The following MYOCD variants were observed in gnomAD, a reference collection of about 807,000 sequenced individuals.
The protein encoded by MYOCD is myocardin.
Under a neutral mutation model 96.1 loss-of-function variants are expected in MYOCD, and 32 were observed. The ratio of observed to expected loss-of-function variants is 0.33; its 90% CI spans 0.25 to 0.45. MYOCD has a LOEUF of 0.45. Among genes scored for constraint, MYOCD ranks in the 20% least tolerant of loss-of-function variants. The probability of loss-of-function intolerance (pLI) is 1.00; values close to 1 mark genes in which losing one functional copy is unlikely to be tolerated. For synonymous variants in MYOCD, 469 were observed against 469.0 expected, an observed-to-expected ratio of 1.00 and a Z score of 0.00; for missense variants, 1,133 against 1,200.6, an observed-to-expected ratio of 0.94 and a Z score of 0.83.
chr17:12,737,567 G>A lies in MYOCD; in HGVS notation c.591+1231G>A, dbSNP rs116981501. Among the ~76,000 whole-genome samples the A allele has an allele frequency of 2.4e-4, 37 of 152,252 alleles. No individual in the cohort carries two copies. The East Asian group carries it at 5.2e-3, about 21-fold the overall frequency. ...TCCACATATGAGGGGAAGGAGATGC[G>A]TAAGTGTGAAAGCCAGATGTGAGCT... On this transcript the variant is annotated intron_variant, in intron 6 of 13. Coordinates refer to ENST00000425538, the MANE Select transcript of MYOCD (RefSeq NM_001146312.3).
chr17:12,752,385 G>A, intron 9 of MYOCD, 29 bp from the exon 10 acceptor site: 1 of 1,556,156 alleles, frequency 6.4e-7, no homozygotes, highest in Non-Finnish European at 8.7e-7. Flanking sequence ...TCGTTAAACA[G>A]CACACTAACC....
chr17:12,706,898 C>T (rs182910998), intron 2 of MYOCD, among the ~76,000 whole-genome samples: 2 of 152,142 alleles, frequency 1.3e-5, no homozygotes, highest in African/African-American at 4.8e-5. Flanking sequence ...AAAAATCCTA[C>T]AAATCATGAA....
intron 1 of MYOCD, among the ~76,000 whole-genome samples, chr17:12,691,572 T>C (rs1048249737): frequency 2.0e-5 from 3 of 152,292 alleles, no homozygotes; most frequent in African/African-American, 7.2e-5. Context: ...ATCCCTTATG[T>C]TGAGTTACTA....
chr17:12,745,132 A>G (rs998568934), intron 8 of MYOCD, among the ~76,000 whole-genome samples: 1 of 152,222 alleles, frequency 6.6e-6, no homozygotes, highest in East Asian at 1.9e-4. Flanking sequence ...GACACTCTCA[A>G]AGATTGACTC....
At chr17:12,684,628 CA>C (rs376890697) in intron 1 of MYOCD, among the ~76,000 whole-genome samples, 53 of 152,046 alleles carry the variant, frequency 3.5e-4, no homozygotes, top group African/African-American at 1.2e-3. Flanking sequence ...GGGTGGATCA[CA>C]AGGTCAGGAG....
chr17:12,737,769 T>C (rs551212913), intron 6 of MYOCD, among the ~76,000 whole-genome samples: 57 of 152,274 alleles, frequency 3.7e-4, no homozygotes, highest in Admixed American at 1.2e-3. Flanking sequence ...ATAATTATCA[T>C]TCAGTGCCTC....
At position 12,767,068 on chromosome 17, in the gene MYOCD, G is replaced by C. The variant is rs1353345249; in HGVS notation, c.*3424G>C. 6.6e-6 allele frequency: 1 copy of C among 151,646 alleles called. No individual in the cohort carries two copies. Among genetic ancestry groups the C allele is most frequent in the African/African-American group, 2.4e-5 (1 of 41,262 alleles). The allele number at this position is 151,646 out of a possible 1,614,324, so 9.4% of individuals were successfully genotyped here. ...GGAGAAGGGAAGGAAGGAAAGAAGA[G>C]AGGAAAGAAAGGAGGGAAGGAAAAA... On this transcript the variant is annotated 3_prime_UTR_variant, in exon 14 of 14. Transcript: ENST00000425538.
chr17:12,680,239 C>T (rs1435702161), intron 1 of MYOCD, among the ~76,000 whole-genome samples: 1 of 152,158 alleles, frequency 6.6e-6, no homozygotes, highest in Admixed American at 6.6e-5. Context: ...TATTCAGCTA[C>T]TTAGTGGATG....
chr17:12,675,681 A>C lies in MYOCD; in HGVS notation c.55+9438A>C, dbSNP rs186301005. Among the ~76,000 whole-genome samples, 567 of 152,238 alleles carry C rather than the reference A, an allele frequency of 3.7e-3. 4 individuals are homozygous for C. The highest frequency in any genetic ancestry group is 0.011 in the South Asian group (51 of 4,816). On this transcript the variant is annotated intron_variant, in intron 1 of 13. Coordinates refer to ENST00000425538, the MANE Select transcript of MYOCD (RefSeq NM_001146312.3). ...AGACCATCCTGGCTAACAGGGTGAA[A>C]ACCCGTCCCTACTAAAAATACAAAA... is the stretch of plus-strand genomic sequence containing the variant.
At chr17:12,687,244 C>T (rs2030171546) in intron 1 of MYOCD, among the ~76,000 whole-genome samples, 1 of 152,120 alleles carries the variant, frequency 6.6e-6, no homozygotes, top group African/African-American at 2.4e-5. Context: ...TTTGAAACCA[C>T]CTATTTCTAA....
intron 6 of MYOCD, among the ~76,000 whole-genome samples, chr17:12,738,638 A>G (rs1363455900): frequency 6.6e-6 from 1 of 152,012 alleles, no homozygotes; most frequent in Non-Finnish European, 1.5e-5. Flanking sequence ...AAACACTCAG[A>G]CACACACTTG....
In MYOCD at chr17:12,715,452, A is replaced by G. The variant is rs371630990; in HGVS notation, c.122-67A>G. On this transcript the variant is annotated intron_variant, in intron 2 of 13. Coordinates refer to ENST00000425538, the MANE Select transcript of MYOCD (RefSeq NM_001146312.3). ...TGCATAGCTCAGCAAGCACACCAGCAAACTCTGCGATACAGACCAATGCCC... is the reference window on the plus strand; with the variant it reads ...TGCATAGCTCAGCAAGCACACCAGCGAACTCTGCGATACAGACCAATGCCC... 1.4e-3 allele frequency: 2,005 copies of G among 1,408,666 alleles called. 43 individuals are homozygous for G. In the South Asian group the frequency reaches 0.023, roughly 16 times the overall value. The allele number at this position is 1,408,666 out of a possible 1,614,324, so 87.3% of individuals were successfully genotyped here. A position where few individuals can be genotyped will look rare whatever the true frequency, so the allele number is the denominator to read the frequency against.
At chr17:12,729,681 C>T (rs574445626) in intron 5 of MYOCD, among the ~76,000 whole-genome samples, 42 of 152,226 alleles carry the variant, frequency 2.8e-4, no homozygotes, top group African/African-American at 9.4e-4. Context: ...AAACAATTCT[C>T]CTGCCTCAGC....
At chr17:12,752,364 TA>T in intron 9 of MYOCD, 49 bp from the exon 10 acceptor site, 1 of 1,475,938 alleles carries the variant, frequency 6.8e-7, no homozygotes, top group Non-Finnish European at 9.2e-7. Flanking sequence ...AATACACTTT[TA>T]AAAATATTGT....
At chr17:12,750,113 A>G (rs902540236) in intron 9 of MYOCD, among the ~76,000 whole-genome samples, 9 of 152,088 alleles carry the variant, frequency 5.9e-5, no homozygotes, top group African/African-American at 2.2e-4. Context: ...CTGGGATTAC[A>G]GGAGTGAGCC....
chr17:12,678,467 G>A (rs1440195977), intron 1 of MYOCD, among the ~76,000 whole-genome samples: 3 of 152,082 alleles, frequency 2.0e-5, no homozygotes, highest in Non-Finnish European at 4.4e-5. Flanking sequence ...GACCAGCAAA[G>A]GCTCATGGCT....
At chr17:12,731,387 A>G (rs1464884896) in intron 5 of MYOCD, among the ~76,000 whole-genome samples, 1 of 152,174 alleles carries the variant, frequency 6.6e-6, no homozygotes, top group Non-Finnish European at 1.5e-5. Flanking sequence ...AGGACCAACC[A>G]GTTTTTCTGG....
At chr17:12,696,647 G>A (rs2030765882) in intron 1 of MYOCD, among the ~76,000 whole-genome samples, 1 of 152,110 alleles carries the variant, frequency 6.6e-6, no homozygotes, top group African/African-American at 2.4e-5. Context: ...TTTTTCTGTT[G>A]ATGAATTATC....
intron 8 of MYOCD, 27 bp downstream of exon 8, chr17:12,744,463 GCTGTGGGCAGAGGTTGGGAAGGGTGT>G: frequency 2.5e-6 from 4 of 1,579,790 alleles, no homozygotes; most frequent in Non-Finnish European, 3.4e-6. Context: ...TGGGAGGGTG[GCTGTGGGCAGAGGTTGGGAAGGGTGT>G]CTATTAATAT....
Sources: gnomAD v4.1 joint callset for allele counts (sites outside exome capture counted in the v4.1 genomes callset) on GRCh38, gnomAD v4.1.1 for gene constraint, MANE v1.5 for transcripts, NCBI Gene and HGNC (gene_info 2026-07-23, HGNC 2026-07-21) for gene names.